SNX8: variants seen among roughly 807,000 people sequenced by gnomAD.
SNX8 encodes sorting nexin 8.
Under a neutral mutation model 51.6 loss-of-function variants are expected in SNX8, and 25 were observed. The ratio of observed to expected loss-of-function variants is 0.48; its 90% CI spans 0.35 to 0.68. SNX8 has a LOEUF of 0.68. Ranked by LOEUF, SNX8 falls within the 30% of genes least tolerant of loss-of-function variation. SNX8 has a pLI of 0.00. For synonymous variants in SNX8, 324 were observed against 277.0 expected, an observed-to-expected ratio of 1.17 and a Z score of -1.68; for missense variants, 695 against 624.0, an observed-to-expected ratio of 1.11 and a Z score of -1.21.
At position 2,294,728 on chromosome 7, in the gene SNX8, C is replaced by T. The variant is rs1411831759; in HGVS notation, c.95-16423G>A. On this transcript the variant is annotated intron_variant, in intron 1 of 10. Transcript: ENST00000222990. The stretch of plus-strand genomic sequence containing the variant: ...GCAAGCAGTTCACCCCTCTGCACTC[C>T]GAGGTCCCTGCTCTAAAATGAGGCC... 2.6e-5 allele frequency among the ~76,000 whole-genome samples: 4 copies of T among 152,276 alleles called. No individual in the cohort carries two copies. The East Asian group carries it at 5.8e-4, about 22-fold the overall frequency.
intron 7 of SNX8, among the ~76,000 whole-genome samples, chr7:2,261,750 G>A (rs1050599756): frequency 6.6e-6 from 1 of 152,226 alleles, no homozygotes; most frequent in Non-Finnish European, 1.5e-5. Flanking sequence ...GGGGGCGGAA[G>A]AGGAAGAAAA....
intron 1 of SNX8, among the ~76,000 whole-genome samples, chr7:2,284,673 G>A (rs1480447775): frequency 6.6e-6 from 1 of 151,520 alleles, no homozygotes; most frequent in African/African-American, 2.4e-5. Flanking sequence ...CAAAGTGCTG[G>A]GATTACAGGC....
intron 1 of SNX8, among the ~76,000 whole-genome samples, chr7:2,310,235 A>T (rs1377248553): frequency 6.6e-6 from 1 of 152,128 alleles, no homozygotes; most frequent in African/African-American, 2.4e-5. Context: ...ATTGAGCTTC[A>T]TGACCTAAGA....
intron 1 of SNX8, among the ~76,000 whole-genome samples, chr7:2,348,986 A>T (rs1779087135): frequency 6.7e-6 from 1 of 150,362 alleles, no homozygotes; most frequent in Non-Finnish European, 1.5e-5. Context: ...GGCTACCCAC[A>T]AGTTAGCAAG....
intron 1 of SNX8, among the ~76,000 whole-genome samples, chr7:2,299,159 C>T (rs1005887352): frequency 2.0e-5 from 3 of 152,046 alleles, no homozygotes; most frequent in South Asian, 2.1e-4. Flanking sequence ...CCTGAGGTTC[C>T]GTGGATGATT....
upstream of SNX8, among the ~76,000 whole-genome samples, chr7:2,316,121 C>A (rs1315080941): frequency 1.3e-5 from 2 of 149,166 alleles, no homozygotes; most frequent in East Asian, 4.0e-4. Context: ...TCACTCACTG[C>A]ATCCTGCTTT....
chr7:2,354,381 T>A (rs553654130), upstream of SNX8: 17 of 152,340 alleles, frequency 1.1e-4, no homozygotes, highest in Admixed American at 5.2e-4. Context: ...TAACGTAAAC[T>A]AAACGGTTTC....
chr7:2,303,293 C>G (rs1796454772), intron 1 of SNX8, among the ~76,000 whole-genome samples: 1 of 141,138 alleles, frequency 7.1e-6, no homozygotes, highest in African/African-American at 2.6e-5. Context: ...GGGGGGTCAG[C>G]CCCCCGCCCG....
chr7:2,285,612 C>T (rs2115154689), intron 1 of SNX8, among the ~76,000 whole-genome samples: 2 of 152,216 alleles, frequency 1.3e-5, no homozygotes, highest in Non-Finnish European at 2.9e-5. Context: ...CTCTCATGCC[C>T]AAGACAGCTC....
chr7:2,343,562 C>A (rs1418904348), intron 1 of SNX8, among the ~76,000 whole-genome samples: 4 of 152,056 alleles, frequency 2.6e-5, no homozygotes, highest in Non-Finnish European at 5.9e-5. Flanking sequence ...GTAGTCCCAG[C>A]TGCTGGGGAG....
Position 2,254,991 on chromosome 7 carries a change from CG to C in SNX8, c.*64del, listed in dbSNP as rs1297734067. 3.7e-6 allele frequency: 4 copies of C among 1,091,804 alleles called. No individual in the cohort carries two copies. The highest frequency in any genetic ancestry group is 2.0e-5 in the Admixed American group (1 of 50,276). 67.6% of individuals were successfully genotyped at this position (1,091,804 alleles called of 1,614,324 possible). On this transcript the variant is annotated 3_prime_UTR_variant, in exon 11 of 11. Coordinates refer to ENST00000222990, the MANE Select transcript of SNX8 (RefSeq NM_013321.4). ...AGCTGCCGTCCAAAGGGAATTACAC[CG>C]GGACACACCGTTTGGAAAGAGGTTT...
intron 1 of SNX8, among the ~76,000 whole-genome samples, chr7:2,335,403 C>G (rs1778808393): frequency 6.6e-6 from 1 of 151,434 alleles, no homozygotes; most frequent in Admixed American, 6.6e-5. Flanking sequence ...AATCCCAGCA[C>G]TTTGGGAGGC....
At chr7:2,350,083 A>T (rs1009201831) in intron 1 of SNX8, among the ~76,000 whole-genome samples, 1 of 152,080 alleles carries the variant, frequency 6.6e-6, no homozygotes, top group Non-Finnish European at 1.5e-5. Context: ...CCGGCTCTGA[A>T]CCTCTTCCTC....
rs1487384977 is a variant in SNX8, at chr7:2,252,093, C to T, written c.*2963G>A. Reference sequence around the variant, plus strand: ...ACCACGAGGACCCAATGAAAATGTCCCCTTTCACCATGATCGGCAGCCCCC... The same window carrying T: ...ACCACGAGGACCCAATGAAAATGTCTCCTTTCACCATGATCGGCAGCCCCC... On this transcript the variant is annotated 3_prime_UTR_variant, in exon 11 of 11. Transcript: ENST00000222990. 1 of 152,282 alleles carries T rather than the reference C, an allele frequency of 6.6e-6. No homozygotes were observed. The highest frequency in any genetic ancestry group is 2.4e-5 in the African/African-American group (1 of 41,456). The allele number at this position is 152,282 out of a possible 1,614,324, so 9.4% of individuals were successfully genotyped here.
In SNX8 at chr7:2,273,764, C is replaced by A. The variant is rs1795706191; in HGVS notation, c.418+1348G>T. Among the ~76,000 whole-genome samples the A allele has an allele frequency of 3.3e-5, 5 of 150,270 alleles. No homozygotes were observed. In the South Asian group the frequency reaches 1.1e-3, roughly 32 times the overall value. ...TAAAAATACAAAAAAATTAGCCAGG[C>A]GTGGTGGCGGGCGCCTGTAGTCCCA... On this transcript the variant is annotated intron_variant, in intron 3 of 10. Transcript: ENST00000222990.
intron 3 of SNX8, among the ~76,000 whole-genome samples, chr7:2,272,343 C>T (rs546154996): frequency 1.7e-4 from 26 of 152,174 alleles, no homozygotes; most frequent in African/African-American, 4.8e-4. Context: ...GGTTTTGCTA[C>T]GCTCTAACAC....
chr7:2,347,500 G>T (rs73043292), intron 1 of SNX8, among the ~76,000 whole-genome samples: 1 of 125,308 alleles, frequency 8.0e-6, no homozygotes, highest in African/African-American at 3.1e-5. Flanking sequence ...AAAAAAAAAA[G>T]AAAAAAAAAA....
intron 5 of SNX8, 65 bp downstream of exon 5, chr7:2,269,494 A>C (rs1305677372): frequency 3.8e-5 from 36 of 944,166 alleles, no homozygotes; most frequent in Non-Finnish European, 4.5e-5. Context: ...TGCGAGAAAC[A>C]CCCAAGAATG....
At chr7:2,317,251 C>CTTTTTTTTTTTTTT (rs780593342), upstream of SNX8, among the ~76,000 whole-genome samples, 1 of 43,118 alleles carries the variant, frequency 2.3e-5, no homozygotes, top group African/African-American at 7.9e-5. Flanking sequence ...CCTGGACCTT[C>CTTTTTTTTTTTTTT]TTTTTTTTTT....
Sources: gnomAD v4.1 joint callset for allele counts (sites outside exome capture counted in the v4.1 genomes callset) on GRCh38, gnomAD v4.1.1 for gene constraint, MANE v1.5 for transcripts, NCBI Gene and HGNC (gene_info 2026-07-23, HGNC 2026-07-21) for gene names.